The following MTERF4 variants were observed in gnomAD, a reference collection of about 807,000 sequenced individuals.
MTERF4 encodes transcription termination factor 4, mitochondrial.
Under a neutral mutation model 22.5 loss-of-function variants are expected in MTERF4, and 17 were observed. The observed-to-expected ratio is 0.75, with a 90% confidence interval of 0.52 to 1.13. The LOEUF (loss-of-function observed/expected upper bound fraction) is 1.13, where lower values mean the gene tolerates loss of function less well. MTERF4 is among the 50% of genes most tolerant of loss of function. The pLI, the probability that MTERF4 is intolerant of heterozygous loss-of-function variation, is 0.00. For missense variants in MTERF4, 420 were observed against 466.8 expected (o/e 0.90, Z 0.92); for synonymous variants, 165 against 175.3 (o/e 0.94, Z 0.47).
chr2:241,060,101 G>A, the MTERF4 span, among the ~76,000 whole-genome samples: 1 of 151,980 alleles, frequency 6.6e-6, no homozygotes, highest in Non-Finnish European at 1.5e-5. Context: ...AAATGAAAGT[G>A]TTACATTAAT....
the MTERF4 span, among the ~76,000 whole-genome samples, chr2:241,061,044 AATG>A: frequency 5.4e-3 from 826 of 152,344 alleles, 6 homozygotes; most frequent in African/African-American, 0.012. Flanking sequence ...TTTAAAAAGA[AATG>A]ATGAACATAC....
At chr2:241,076,879 C>A (rs950473953) in intron 4 of MTERF4, among the ~76,000 whole-genome samples, 2 of 152,132 alleles carry the variant, frequency 1.3e-5, no homozygotes, top group Non-Finnish European at 2.9e-5. Flanking sequence ...ATCACCAGGT[C>A]AGGAGATCGA....
rs1201505836 is a variant in MTERF4 at position 241,075,152 on chromosome 2, C to G, written n.1010G>C. 1.3e-5 allele frequency: 2 copies of G among 152,214 alleles called. No individual in the cohort carries two copies. Among genetic ancestry groups the G allele is most frequent in the East Asian group, 3.8e-4 (2 of 5,198 alleles). 9.4% of individuals were successfully genotyped at this position (152,214 alleles called of 1,614,324 possible). A position where few individuals can be genotyped will look rare whatever the true frequency, so the allele number is the denominator to read the frequency against. ...GTGAACTGACCGGCTCTTCTCCCCT[C>G]TCTGTGCAGAGAACATGTAGGTTGT... On this transcript the variant is annotated non_coding_transcript_exon_variant, in exon 5 of 5. Coordinates refer to the MTERF4 transcript ENST00000464344. The surrounding 1 kb of genome is among the most constrained non-coding windows in gnomAD (Gnocchi z 4.8).
downstream of MTERF4, chr2:241,070,159 G>A (rs368778916): frequency 1.3e-4 from 206 of 1,605,590 alleles, no homozygotes; most frequent in East Asian, 1.8e-4. Context: ...CACGGAGCTC[G>A]GGCCGCAGCA....
chr2:241,095,997 G>T lies in MTERF4; in HGVS notation c.*1C>A, dbSNP rs149798127. On this transcript the variant is annotated 3_prime_UTR_variant, in exon 4 of 4. Coordinates refer to ENST00000391980, the MANE Select transcript of MTERF4 (RefSeq NM_182501.4). ...CTTTCGCTCTAGTCCTTCCATCACA[G>T]CTATTCCTCCTCGTCGTCGTCCTCA... The T allele has an allele frequency of 1.9e-6, 3 of 1,613,646 alleles. No individual in the cohort carries two copies. In the Admixed American group the frequency reaches 5.0e-5, roughly 27 times the overall value.
chr2:241,100,044 A>G, intron 1 of MTERF4, 150 bp from the exon 2 acceptor site: 2 of 944,740 alleles, frequency 2.1e-6, no homozygotes, highest in Non-Finnish European at 3.0e-6. Context: ...TCTGAACTTA[A>G]GCCTACAGAG....
chr2:241,065,024 G>A, the MTERF4 span: 67 of 1,227,110 alleles, frequency 5.5e-5, no homozygotes, highest in Admixed American at 8.0e-5. Flanking sequence ...AGGGCCCAAC[G>A]GTCTCCAAGG....
downstream of MTERF4, chr2:241,094,008 C>A (rs2125369694): frequency 3.9e-6 from 1 of 254,000 alleles, no homozygotes; most frequent in Non-Finnish European, 7.9e-6. This position sits in a 1 kb window ranked among gnomAD's most constrained non-coding sequence, Gnocchi z 4.3. Flanking sequence ...CTACTTAGTC[C>A]TCCGACTGGG....
In MTERF4 at chr2:241,075,999, C is replaced by T. The variant is rs1323429796; in HGVS notation, n.480-317G>A. Among the ~76,000 whole-genome samples, 1 of 152,148 alleles carries T rather than the reference C, an allele frequency of 6.6e-6. No homozygotes were observed. The highest frequency in any genetic ancestry group is 1.5e-5 in the Non-Finnish European group (1 of 68,024). On this transcript the variant is annotated intron_variant and non_coding_transcript_variant, in intron 4 of 4. Transcript: ENST00000464344. This position sits in a 1 kb window ranked among gnomAD's most constrained non-coding sequence, Gnocchi z 4.8. ...ACATATAAAAGTAGAATTCTGGCGG[C>T]GTCAATTTGATACATCTGTGCCAAT...
At chr2:241,082,509 T>A, downstream of MTERF4, 1 of 624,548 alleles carries the variant, frequency 1.6e-6, no homozygotes, top group Non-Finnish European at 2.9e-6. Flanking sequence ...ATCGATTCCC[T>A]CCATGTCACA....
the MTERF4 span, chr2:241,049,822 C>T: frequency 6.2e-7 from 1 of 1,613,322 alleles, no homozygotes; most frequent in Non-Finnish European, 8.5e-7. Flanking sequence ...CCCAGCCCTG[C>T]CATCACCCTG....
At chr2:241,047,313 C>T in the MTERF4 span, among the ~76,000 whole-genome samples, 1 of 152,144 alleles carries the variant, frequency 6.6e-6, no homozygotes, top group South Asian at 2.1e-4. Context: ...GAAGACATAA[C>T]TCTAGATATA....
chr2:241,089,511 G>A (rs912392756), downstream of MTERF4: 75 of 1,392,456 alleles, frequency 5.4e-5, no homozygotes, highest in Non-Finnish European at 6.8e-6. Context: ...CTCCGCACAT[G>A]GCAGGAACTT....
chr2:241,066,220 G>A, the MTERF4 span, among the ~76,000 whole-genome samples: 1 of 152,156 alleles, frequency 6.6e-6, no homozygotes, highest in Non-Finnish European at 1.5e-5. Flanking sequence ...AGATTGCAGG[G>A]GAGGCCCGGG....
chr2:241,067,318 A>C (rs2062496958), downstream of MTERF4, among the ~76,000 whole-genome samples: 1 of 152,214 alleles, frequency 6.6e-6, no homozygotes, highest in South Asian at 2.1e-4. Context: ...CCTTCCCTGC[A>C]GTTGCTGGGA....
downstream of MTERF4, chr2:241,088,692 A>C: frequency 2.3e-6 from 1 of 435,606 alleles, no homozygotes; most frequent in Non-Finnish European, 4.1e-6. Flanking sequence ...GTGGCCAAGA[A>C]ACCCCTAGAT....
chr2:241,077,733 A>G (rs2063097253), intron 4 of MTERF4, among the ~76,000 whole-genome samples: 1 of 152,224 alleles, frequency 6.6e-6, no homozygotes, highest in African/African-American at 2.4e-5. Context: ...AATGGCCAGT[A>G]ATCACACCGA....
chr2:241,056,256 T>C, the MTERF4 span, among the ~76,000 whole-genome samples: 2 of 152,168 alleles, frequency 1.3e-5, no homozygotes, highest in Admixed American at 6.5e-5. Context: ...ACTGAAAATA[T>C]ATCCGAAATG....
downstream of MTERF4, chr2:241,088,617 AC>A (rs1459551804): frequency 1.8e-6 from 1 of 566,906 alleles, no homozygotes; most frequent in African/African-American, 1.9e-5. Context: ...ACTGACAAAT[AC>A]ACCTTCAGGT....
Sources: allele counts gnomAD v4.1 joint callset (sites outside exome capture counted in the v4.1 genomes callset), GRCh38; gene constraint gnomAD v4.1.1; non-coding constraint Gnocchi (gnomAD v3.1); transcripts MANE v1.5; gene names NCBI Gene and HGNC (gene_info 2026-07-23, HGNC 2026-07-21).